The following FTO variants were observed in gnomAD, a reference collection of about 807,000 sequenced individuals.
FTO encodes the protein alpha-ketoglutarate-dependent dioxygenase FTO.
Under a neutral mutation model 63.9 loss-of-function variants are expected in FTO, and 47 were observed. The observed-to-expected ratio is 0.74, with a 90% CI of 0.58 to 0.94. The LOEUF is 0.94. Ranked by LOEUF, FTO falls within the 40% of genes least tolerant of loss-of-function variation. The probability of loss-of-function intolerance (pLI) is 0.00; values close to 1 mark genes in which losing one functional copy is unlikely to be tolerated. For synonymous variants in FTO, 207 were observed against 224.4 expected (o/e 0.92, Z 0.69); for missense variants, 562 against 618.1 (o/e 0.91, Z 0.96).
At chr16:54,012,216 A>G (rs2144083912) in intron 8 of FTO, among the ~76,000 whole-genome samples, 1 of 152,316 alleles carries the variant, frequency 6.6e-6, no homozygotes, top group African/African-American at 2.4e-5. Context: ...GCTGATACGG[A>G]GAGAGTTTGA....
At chr16:53,892,156 G>A (rs568835137) in intron 7 of FTO, among the ~76,000 whole-genome samples, 1 of 151,990 alleles carries the variant, frequency 6.6e-6, no homozygotes, top group Non-Finnish European at 1.5e-5. Context: ...GGTTCTGTTC[G>A]TTTAGTACCA....
At position 53,867,491 on chromosome 16, in the gene FTO, ATATG is replaced by A. The variant is rs202245770; in HGVS notation, c.896-6293_896-6290del. ...CAATGTATTCAATTATGTACGCCACATATGTGTGTGTGTGTGTGTGTGTGTGTGT... is the reference window on the plus strand; with the variant it reads ...CAATGTATTCAATTATGTACGCCACATGTGTGTGTGTGTGTGTGTGTGTGT... On this transcript the variant is annotated intron_variant, in intron 4 of 8. Coordinates refer to ENST00000471389, the MANE Select transcript of FTO (RefSeq NM_001080432.3). 6.6e-3 allele frequency among the ~76,000 whole-genome samples: 841 copies of A among 127,604 alleles called. 6 individuals carry two copies. Among genetic ancestry groups the A allele is most frequent in the African/African-American group, 0.024 (723 of 30,398 alleles). 83.7% of individuals were successfully genotyped at this position (127,604 alleles called of 152,430 possible). A position where few individuals can be genotyped will look rare whatever the true frequency, so the allele number is the denominator to read the frequency against.
chr16:54,015,557 G>A (rs1215551089), intron 8 of FTO, among the ~76,000 whole-genome samples: 3 of 152,122 alleles, frequency 2.0e-5, no homozygotes, highest in Non-Finnish European at 2.9e-5. Context: ...GAAATAAGAC[G>A]AGTCGTTTTA....
chr16:53,773,089 ATTTAT>A (rs1487694351), intron 1 of FTO, among the ~76,000 whole-genome samples: 2 of 82,438 alleles, frequency 2.4e-5, no homozygotes, highest in African/African-American at 1.8e-4. Flanking sequence ...TGATTTATTT[ATTTAT>A]TTTTTTTTTT....
chr16:53,953,617 G>T (rs960862824), intron 8 of FTO, among the ~76,000 whole-genome samples: 1 of 152,140 alleles, frequency 6.6e-6, no homozygotes, highest in African/African-American at 2.4e-5. Flanking sequence ...AGCAGCAAAT[G>T]TTACCATATG....
At chr16:53,773,770 CT>C (rs2151637808) in intron 1 of FTO, among the ~76,000 whole-genome samples, 1 of 152,222 alleles carries the variant, frequency 6.6e-6, no homozygotes, top group Non-Finnish European at 1.5e-5. Flanking sequence ...CATATTTGAG[CT>C]TTTATGTAAG....
At chr16:53,757,931 G>A (rs1404181540) in intron 1 of FTO, among the ~76,000 whole-genome samples, 1 of 152,192 alleles carries the variant, frequency 6.6e-6, no homozygotes, top group Admixed American at 6.5e-5. Context: ...GTCTGTTGTT[G>A]CAGAGTGCTG....
chr16:54,067,629 T>C (rs1263829190), intron 8 of FTO, among the ~76,000 whole-genome samples: 3 of 152,202 alleles, frequency 2.0e-5, no homozygotes, highest in Non-Finnish European at 4.4e-5. Context: ...TAAAAATTGC[T>C]CTCTAGTGAG....
At position 53,838,638 on chromosome 16, in the gene FTO, C is replaced by T. The variant is rs148648663; in HGVS notation, c.752-5517C>T. Among the ~76,000 whole-genome samples, 7 of 152,126 alleles carry T rather than the reference C, an allele frequency of 4.6e-5. No individual in the cohort carries two copies. In the East Asian group the frequency reaches 1.2e-3, roughly 25 times the overall value. ...GAATCTTTTGTATCTTAGCTCTTGG[C>T]TAAGGAAATAGAAAGTAGAGAATAA... On this transcript the variant is annotated intron_variant, in intron 3 of 8. Coordinates refer to ENST00000471389, the MANE Select transcript of FTO (RefSeq NM_001080432.3).
intron 7 of FTO, among the ~76,000 whole-genome samples, chr16:53,903,546 A>G (rs2081458408): frequency 6.6e-6 from 1 of 152,204 alleles, no homozygotes. Flanking sequence ...GGCGTGAGCC[A>G]CTGTGCCCAG....
intron 8 of FTO, among the ~76,000 whole-genome samples, chr16:54,110,143 G>C (rs2086848937): frequency 6.6e-6 from 1 of 152,118 alleles, no homozygotes; most frequent in South Asian, 2.1e-4. Flanking sequence ...TCAGAACAAC[G>C]ACAGCAAGCG....
chr16:54,076,513 G>A (rs946374278), intron 8 of FTO, among the ~76,000 whole-genome samples: 26 of 152,052 alleles, frequency 1.7e-4, no homozygotes, highest in African/African-American at 5.6e-4. Flanking sequence ...CTATACCCCC[G>A]TTGAAACTGT....
At chr16:53,967,341 G>A (rs1165808365) in intron 8 of FTO, among the ~76,000 whole-genome samples, 2 of 152,070 alleles carry the variant, frequency 1.3e-5, no homozygotes, top group Non-Finnish European at 2.9e-5. Flanking sequence ...GCAACGCTGG[G>A]TAGTCAGCTG....
chr16:53,940,424 C>A (rs74474079), intron 8 of FTO, among the ~76,000 whole-genome samples: 1 of 152,152 alleles, frequency 6.6e-6, no homozygotes, highest in Non-Finnish European at 1.5e-5. Flanking sequence ...CAGCAGTGCA[C>A]GTTTCCCCGT....
At chr16:54,080,895 C>T (rs1269411736) in intron 8 of FTO, among the ~76,000 whole-genome samples, 2 of 152,152 alleles carry the variant, frequency 1.3e-5, no homozygotes, top group African/African-American at 4.8e-5. Flanking sequence ...GTCAACATCC[C>T]TCTGGAAGAA....
intron 1 of FTO, among the ~76,000 whole-genome samples, chr16:53,746,075 C>A (rs2076645008): frequency 6.6e-6 from 1 of 152,198 alleles, no homozygotes; most frequent in African/African-American, 2.4e-5. Flanking sequence ...TTTCTCTATG[C>A]AACTCCTAAG....
At chr16:53,717,291 C>T (rs2075917113) in intron 1 of FTO, among the ~76,000 whole-genome samples, 1 of 152,004 alleles carries the variant, frequency 6.6e-6, no homozygotes, top group African/African-American at 2.4e-5. Context: ...CACTCTAACA[C>T]TGGGAATTAT....
intron 8 of FTO, among the ~76,000 whole-genome samples, chr16:53,995,801 G>A (rs949901607): frequency 2.6e-5 from 4 of 152,130 alleles, no homozygotes; most frequent in East Asian, 1.9e-4. Flanking sequence ...GGTAAATCAC[G>A]CTTGGGTTAA....
chr16:53,776,859 C>A (rs1049300118), intron 1 of FTO, among the ~76,000 whole-genome samples: 10 of 152,054 alleles, frequency 6.6e-5, no homozygotes, highest in Non-Finnish European at 1.2e-4. Flanking sequence ...TTAATTGCTT[C>A]TTCAGCTATT....
Sources: gnomAD v4.1 joint callset for allele counts (sites outside exome capture counted in the v4.1 genomes callset) on GRCh38, gnomAD v4.1.1 for gene constraint, MANE v1.5 for transcripts, NCBI Gene and HGNC (gene_info 2026-07-23, HGNC 2026-07-21) for gene names.